The following ACSL4 variants were observed in gnomAD, a reference collection of about 807,000 sequenced individuals.
The protein encoded by ACSL4 is long-chain-fatty-acid--CoA ligase 4.
ACSL4 carries 9 observed loss-of-function variants against 49.1 expected under a neutral mutation model. The observed-to-expected ratio is 0.18, with a 90% CI of 0.11 to 0.32. The LOEUF is 0.32. ACSL4 is among the 10% of genes least tolerant of loss of function. ACSL4 has a pLI of 1.00. For missense variants in ACSL4, 333 were observed against 493.7 expected (o/e 0.67, Z 3.08); for synonymous variants, 191 against 170.3 (o/e 1.12, Z -0.95).
intron 1 of ACSL4, among the ~76,000 whole-genome samples, chrX:109,704,764 G>C (rs1341821953): frequency 8.9e-6 from 1 of 111,767 alleles, no homozygotes; most frequent in Non-Finnish European, 1.9e-5. Flanking sequence ...GGGCTGGGTA[G>C]AGGGAGAAAC....
At chrX:109,685,088 C>CTTTTT (rs1203140186) in intron 2 of ACSL4, among the ~76,000 whole-genome samples, 36 of 77,393 alleles carry the variant, frequency 4.7e-4, no homozygotes, top group African/African-American at 6.1e-4. Context: ...TCTTTTCTTT[C>CTTTTT]TTTTTTTTTT....
intron 1 of ACSL4, among the ~76,000 whole-genome samples, chrX:109,700,132 C>T (rs181518203): frequency 5.0e-5 from 5 of 100,720 alleles, no homozygotes; most frequent in Admixed American, 1.1e-4. Context: ...TACTTGAACC[C>T]GGGAGGCAGA....
At chrX:109,649,548 C>T (rs1227191653) in intron 15 of ACSL4, among the ~76,000 whole-genome samples, 5 of 111,692 alleles carry the variant, frequency 4.5e-5, no homozygotes, top group Non-Finnish European at 7.5e-5. Context: ...AAGACTTAAA[C>T]GTTAGACCTA....
At chrX:109,670,718 C>A (rs1216801882) in intron 9 of ACSL4, among the ~76,000 whole-genome samples, 1 of 111,517 alleles carries the variant, frequency 9.0e-6, no homozygotes, top group African/African-American at 3.3e-5. Flanking sequence ...CTCACTGCAA[C>A]CTCCCTGCCT....
chrX:109,648,892 G>A (rs1388265560), intron 15 of ACSL4, among the ~76,000 whole-genome samples: 1 of 97,947 alleles, frequency 1.0e-5, no homozygotes, highest in African/African-American at 3.8e-5. Flanking sequence ...CAGACAAACA[G>A]AGAGCCAAAT....
chrX:109,733,187 C>A lies in ACSL4; in HGVS notation c.-114G>T. On this transcript the variant is annotated 5_prime_UTR_variant, in exon 1 of 16. Coordinates refer to ENST00000672401, the MANE Select transcript of ACSL4 (RefSeq NM_001318510.2). ...TCGCAGCCGGCCGGCGCCTGGCACT[C>A]GGAAAGCTCGCAAAAAGGAACCGCG... 3.0e-6 allele frequency: 1 copy of A among 328,451 alleles called. No individual in the cohort carries two copies. The highest frequency in any genetic ancestry group is 5.9e-6 in the Non-Finnish European group (1 of 169,141). The allele number at this position is 328,451 out of a possible 1,213,427, so 27.1% of individuals were successfully genotyped here. A position where few individuals can be genotyped will look rare whatever the true frequency, so the allele number is the denominator to read the frequency against.
chrX:109,641,766 T>C lies in ACSL4; in HGVS notation c.*2263A>G, dbSNP rs958457928. On this transcript the variant is annotated 3_prime_UTR_variant, in exon 16 of 16. Coordinates refer to ENST00000672401, the MANE Select transcript of ACSL4 (RefSeq NM_001318510.2). ...AATATCAAGGAGGCAGGAACATTCA[T>C]GGAATTAAAGCAAAAGTCACAAGTG... 8.9e-6 allele frequency: 1 copy of C among 112,547 alleles called. No individual in the cohort carries two copies. The highest frequency in any genetic ancestry group is 1.9e-5 in the Non-Finnish European group (1 of 53,150). 9.3% of individuals were successfully genotyped at this position (112,547 alleles called of 1,213,427 possible).
At chrX:109,673,685 A>G in intron 9 of ACSL4, among the ~76,000 whole-genome samples, 1 of 112,208 alleles carries the variant, frequency 8.9e-6, no homozygotes, top group East Asian at 2.8e-4. Context: ...CAGAGTTTCC[A>G]TATACAAAAG....
At chrX:109,702,560 T>C (rs781294208) in intron 1 of ACSL4, among the ~76,000 whole-genome samples, 2 of 112,364 alleles carry the variant, frequency 1.8e-5, no homozygotes, top group Non-Finnish European at 3.8e-5. Context: ...CCAATAGCAA[T>C]GAGCATATCC....
At chrX:109,653,751 A>G (rs1921375737) in intron 15 of ACSL4, among the ~76,000 whole-genome samples, 1 of 109,293 alleles carries the variant, frequency 9.1e-6, no homozygotes, top group African/African-American at 3.4e-5. Context: ...TGGGAATTGA[A>G]CAATGAGAAC....
intron 6 of ACSL4, among the ~76,000 whole-genome samples, chrX:109,679,391 T>A (rs1188845827): frequency 8.9e-6 from 1 of 112,506 alleles, no homozygotes; most frequent in East Asian, 2.8e-4. Flanking sequence ...TTTAACAGGA[T>A]TATCACATTT....
At chrX:109,707,933 G>A (rs1926477883) in intron 1 of ACSL4, among the ~76,000 whole-genome samples, 1 of 111,509 alleles carries the variant, frequency 9.0e-6, no homozygotes, top group Admixed American at 9.6e-5. Context: ...TCTCTAGGTT[G>A]CAGAATTACA....
At chrX:109,700,468 C>T (rs990431221) in intron 1 of ACSL4, among the ~76,000 whole-genome samples, 2 of 106,088 alleles carry the variant, frequency 1.9e-5, no homozygotes, top group African/African-American at 6.9e-5. Context: ...AACCGGGAGA[C>T]GGAGGCTGCA....
At chrX:109,658,868 G>T (rs1186668413) in intron 15 of ACSL4, among the ~76,000 whole-genome samples, 1 of 111,903 alleles carries the variant, frequency 8.9e-6, no homozygotes. Flanking sequence ...CAAGAAATGA[G>T]TCTTACTACT....
At chrX:109,677,267 T>C (rs1223742395) in intron 8 of ACSL4, among the ~76,000 whole-genome samples, 2 of 109,595 alleles carry the variant, frequency 1.8e-5, no homozygotes, top group African/African-American at 6.6e-5. Flanking sequence ...CGGCCCTTAA[T>C]TTTTATTTAA....
At chrX:109,693,691 G>C (rs771414207) in intron 2 of ACSL4, among the ~76,000 whole-genome samples, 15 of 111,802 alleles carry the variant, frequency 1.3e-4, no homozygotes, top group Non-Finnish European at 2.4e-4. Context: ...GTTGATAAGG[G>C]AGCTAATTAT....
At position 109,674,403 on chromosome X, in the gene ACSL4, G is replaced by A. The variant is rs122458139; in HGVS notation, c.1001C>T (p.Pro334Leu). Reference protein sequence around the residue: ...VLKPTLMAAVPEIMDRIYKNV... With the variant: ...VLKPTLMAAVLEIMDRIYKNV... Reference sequence around the variant, plus strand: ...TTCATATTCATATTCTGTACTCACCGGAACAGCAGCCATAAGTGTGGGCTT... The same window carrying A: ...TTCATATTCATATTCTGTACTCACCAGAACAGCAGCCATAAGTGTGGGCTT... The change falls in exon 9 of 16, where the codon CCG becomes CTG. Residue 334 changes from proline to leucine, a missense_variant and splice_region_variant. Pro to Leu is a moderately conservative substitution (Grantham distance 98). This residue lies in a region of ACSL4 where 175 missense variants were observed against 275.8 expected (regional missense o/e 0.63). Transcript: ENST00000672401. 1.7e-6 allele frequency: 2 copies of A among 1,199,255 alleles called. No homozygotes were observed. The highest frequency in any genetic ancestry group is 2.2e-5 in the Admixed American group (1 of 46,048).
At chrX:109,701,371 A>G (rs10127341) in intron 1 of ACSL4, among the ~76,000 whole-genome samples, 43,146 of 104,347 alleles carry the variant, frequency 0.41, 8,022 homozygotes, top group Middle Eastern at 0.6. Context: ...TGTGCACCAC[A>G]GCACGCCGCT....
At chrX:109,679,509 C>T (rs984631595) in intron 6 of ACSL4, among the ~76,000 whole-genome samples, 1 of 112,252 alleles carries the variant, frequency 8.9e-6, no homozygotes, top group African/African-American at 3.2e-5. Flanking sequence ...CTTAAACTGG[C>T]TAATTTTAAT....
Sources: gnomAD v4.1 joint callset for allele counts (sites outside exome capture counted in the v4.1 genomes callset) on GRCh38, gnomAD v4.1.1 for gene constraint, gnomAD v4.1.1 regional missense constraint, MANE v1.5 for transcripts, NCBI Gene and HGNC (gene_info 2026-07-23, HGNC 2026-07-21) for gene names.